SCN9A: variants seen among roughly 807,000 people sequenced by gnomAD.
SCN9A encodes the protein sodium voltage-gated channel alpha subunit 9, also known as sodium channel protein type 9 subunit alpha.
SCN9A carries 131 observed loss-of-function variants against 187.0 expected under a neutral mutation model. The ratio of observed to expected loss-of-function variants is 0.70; its 90% confidence interval spans 0.61 to 0.81. The LOEUF is 0.81. Ranked by LOEUF, SCN9A falls within the 30% of genes least tolerant of loss-of-function variation. The pLI, the probability that SCN9A is intolerant of heterozygous loss-of-function variation, is 0.00. For synonymous variants in SCN9A, 809 were observed against 808.6 expected (o/e 1.00, Z -0.01); for missense variants, 2,252 against 2,396.6 (o/e 0.94, Z 1.26).
chr2:166,210,772 G>T (rs1391964931), intron 24 of SCN9A, among the ~76,000 whole-genome samples: 6 of 151,996 alleles, frequency 3.9e-5, no homozygotes, highest in African/African-American at 1.4e-4. Flanking sequence ...ATCTAAAGAA[G>T]TCTCGGCTGG....
At chr2:166,281,020 G>A (rs1288178076) in intron 13 of SCN9A, among the ~76,000 whole-genome samples, 3 of 152,124 alleles carry the variant, frequency 2.0e-5, no homozygotes, top group Admixed American at 6.5e-5. Flanking sequence ...TAGTTCACAG[G>A]TGAAAACAAT....
intron 24 of SCN9A, among the ~76,000 whole-genome samples, chr2:166,211,094 CATA>C (rs1253635221): frequency 6.6e-6 from 1 of 151,536 alleles, no homozygotes; most frequent in Non-Finnish European, 1.5e-5. Context: ...CCACTAGAGA[CATA>C]ATATCATCAA....
At chr2:166,356,950 T>C (rs1700164177) in intron 1 of SCN9A, among the ~76,000 whole-genome samples, 1 of 152,204 alleles carries the variant, frequency 6.6e-6, no homozygotes, top group African/African-American at 2.4e-5. Context: ...CCTACTCTTT[T>C]GTGGGCTCTT....
intron 24 of SCN9A, among the ~76,000 whole-genome samples, chr2:166,223,362 G>C (rs1340105578): frequency 6.6e-6 from 1 of 152,162 alleles, no homozygotes; most frequent in Non-Finnish European, 1.5e-5. Flanking sequence ...CTGCATGTGC[G>C]TGTGCACGTA....
intron 24 of SCN9A, among the ~76,000 whole-genome samples, chr2:166,211,790 G>A (rs1456745073): frequency 6.6e-6 from 1 of 151,740 alleles, no homozygotes. Flanking sequence ...AAATAAAAAA[G>A]AGAAATCATA....
intron 1 of SCN9A, among the ~76,000 whole-genome samples, chr2:166,352,582 C>T (rs557690548): frequency 6.2e-4 from 95 of 152,256 alleles, no homozygotes; most frequent in Non-Finnish European, 1.2e-3. Context: ...TCTTGCTTTT[C>T]GTATATGCAC....
chr2:166,202,468 C>A (rs1451536498), intron 26 of SCN9A, among the ~76,000 whole-genome samples: 1 of 151,692 alleles, frequency 6.6e-6, no homozygotes, highest in Non-Finnish European at 1.5e-5. Context: ...CACCTCTTGT[C>A]ACCCTAATTT....
intron 1 of SCN9A, among the ~76,000 whole-genome samples, chr2:166,341,460 G>T (rs906795747): frequency 6.6e-6 from 1 of 152,170 alleles, no homozygotes; most frequent in Non-Finnish European, 1.5e-5. Context: ...ACTTTATACC[G>T]TCTAAGAAAA....
intron 1 of SCN9A, among the ~76,000 whole-genome samples, chr2:166,339,353 T>A (rs1406049116): frequency 1.3e-5 from 2 of 152,212 alleles, no homozygotes; most frequent in Admixed American, 6.5e-5. Flanking sequence ...AAGGCTGATT[T>A]CACATGTAGT....
chr2:166,360,971 C>T (rs938094294), intron 1 of SCN9A, among the ~76,000 whole-genome samples: 3 of 152,060 alleles, frequency 2.0e-5, no homozygotes, highest in Admixed American at 1.3e-4. Flanking sequence ...GACAGCATAA[C>T]CCAGTTGTTA....
chr2:166,222,970 A>C (rs1694683071), intron 24 of SCN9A, among the ~76,000 whole-genome samples: 1 of 148,030 alleles, frequency 6.8e-6, no homozygotes, highest in Non-Finnish European at 1.5e-5. Context: ...AAAAAAAAAA[A>C]AACAGCAACA....
At chr2:166,235,553 GTATGTC>G (rs1695279858) in intron 20 of SCN9A, among the ~76,000 whole-genome samples, 1 of 152,092 alleles carries the variant, frequency 6.6e-6, no homozygotes, top group African/African-American at 2.4e-5. Context: ...TTCTGATTCA[GTATGTC>G]TTGGGGTTGG....
At chr2:166,243,395 A>T (rs1267943013) in intron 18 of SCN9A, among the ~76,000 whole-genome samples, 1 of 151,996 alleles carries the variant, frequency 6.6e-6, no homozygotes, top group Non-Finnish European at 1.5e-5. Flanking sequence ...GGTTAGGTAG[A>T]TAAAAACAGA....
intron 1 of SCN9A, among the ~76,000 whole-genome samples, chr2:166,323,604 G>T (rs977509004): frequency 2.0e-5 from 3 of 152,052 alleles, no homozygotes; most frequent in African/African-American, 7.2e-5. Context: ...GACTGGAAAA[G>T]GTCTCAGTGG....
chr2:166,231,857 A>G (rs1433235997), intron 21 of SCN9A, among the ~76,000 whole-genome samples: 2 of 152,186 alleles, frequency 1.3e-5, no homozygotes, highest in Non-Finnish European at 2.9e-5. Context: ...CACTTAAAGT[A>G]TCAGTAAGCT....
rs559402844 is a variant in SCN9A, at chr2:166,261,307, T to G, written c.3352-9422A>C. Among the ~76,000 whole-genome samples, 7 of 151,934 alleles carry G rather than the reference T, an allele frequency of 4.6e-5. No individual in the cohort carries two copies. In the South Asian group the frequency reaches 1.5e-3, roughly 32 times the overall value. On this transcript the variant is annotated intron_variant, in intron 17 of 26. Transcript: ENST00000642356. ...ATGTCCTGCCTCAGCCAGGCTACCT[T>G]GTTGTTAGGGGTGGCCATGTCACAC...
At chr2:166,360,054 T>G (rs1700241212) in intron 1 of SCN9A, among the ~76,000 whole-genome samples, 1 of 150,992 alleles carries the variant, frequency 6.6e-6, no homozygotes, top group Admixed American at 6.6e-5. Context: ...AAACCCCGTC[T>G]CTACTAAAAA....
chr2:166,275,914 A>G (rs1697215029), intron 16 of SCN9A, among the ~76,000 whole-genome samples: 1 of 152,168 alleles, frequency 6.6e-6, no homozygotes, highest in Non-Finnish European at 1.5e-5. Flanking sequence ...TATGGTGGTT[A>G]CAAGGACAAC....
At chr2:166,200,544 AT>A (rs1418599445) in intron 26 of SCN9A, among the ~76,000 whole-genome samples, 2 of 152,078 alleles carry the variant, frequency 1.3e-5, no homozygotes, top group Admixed American at 6.5e-5. Flanking sequence ...TATTATCAAT[AT>A]TTTTTTGAGT....
Sources: allele counts gnomAD v4.1 joint callset (sites outside exome capture counted in the v4.1 genomes callset), GRCh38; gene constraint gnomAD v4.1.1; transcripts MANE v1.5; gene names NCBI Gene and HGNC (gene_info 2026-07-23, HGNC 2026-07-21).